Variants in PDE1C observed in about 807,000 individuals in gnomAD.
The protein encoded by PDE1C is phosphodiesterase 1C.
A neutral mutation model predicts 93.1 loss-of-function variants in PDE1C; 62 were observed. That is an observed-to-expected ratio of 0.67 (90% CI 0.54 to 0.82). The LOEUF (loss-of-function observed/expected upper bound fraction) is 0.82. Among genes scored for constraint, PDE1C ranks in the 40% least tolerant of loss-of-function variants. The pLI is 0.00. For synonymous variants in PDE1C, 325 were observed against 310.1 expected, an observed-to-expected ratio of 1.05 and a Z score of -0.50; for missense variants, 742 against 884.6, an observed-to-expected ratio of 0.84 and a Z score of 2.04.
chr7:31,630,415 T>G, the PDE1C span, among the ~76,000 whole-genome samples: 1 of 152,196 alleles, frequency 6.6e-6, no homozygotes, highest in Non-Finnish European at 1.5e-5. Context: ...AATGTGAAGT[T>G]ATACTCTGTC....
intron 1 of PDE1C, among the ~76,000 whole-genome samples, chr7:32,336,133 A>G (rs996850106): frequency 2.0e-5 from 3 of 152,248 alleles, no homozygotes; most frequent in Non-Finnish European, 4.4e-5. Flanking sequence ...GAAAGTGGAA[A>G]GAAATGGATC....
chr7:31,823,628 C>T (rs1316121412), intron 13 of PDE1C, among the ~76,000 whole-genome samples: 1 of 152,040 alleles, frequency 6.6e-6, no homozygotes, highest in Non-Finnish European at 1.5e-5. Flanking sequence ...CCACACTGAC[C>T]ACTTTTCCAA....
chr7:31,621,076 G>T, the PDE1C span, among the ~76,000 whole-genome samples: 1 of 151,786 alleles, frequency 6.6e-6, no homozygotes, highest in African/African-American at 2.4e-5. Flanking sequence ...AAAAAGAAAT[G>T]AGCAAAGCCT....
intron 1 of PDE1C, among the ~76,000 whole-genome samples, chr7:32,064,204 C>T (rs1423053390): frequency 6.6e-6 from 1 of 152,196 alleles, no homozygotes; most frequent in East Asian, 1.9e-4. Flanking sequence ...AGACCCACCA[C>T]TCCAGGCCAA....
intron 3 of PDE1C, chr7:32,078,155 T>C (rs1024031214): frequency 2.7e-6 from 1 of 363,732 alleles, no homozygotes; most frequent in Non-Finnish European, 3.8e-6. Flanking sequence ...CCTATCACTG[T>C]AAAGCAAATT....
chr7:31,652,567 A>C, the PDE1C span: 204 of 1,610,742 alleles, frequency 1.3e-4, no homozygotes, highest in Non-Finnish European at 1.6e-4. Context: ...TCAAATCTGC[A>C]TCAATATAAC....
At chr7:31,790,770 T>C (rs1784504210) in intron 16 of PDE1C, among the ~76,000 whole-genome samples, 1 of 152,082 alleles carries the variant, frequency 6.6e-6, no homozygotes, top group Admixed American at 6.6e-5. Context: ...GTGAATCACC[T>C]GAGTTCTCCA....
the PDE1C span, chr7:31,643,079 T>TA: frequency 6.2e-7 from 1 of 1,614,000 alleles, no homozygotes; most frequent in Non-Finnish European, 8.5e-7. Flanking sequence ...GGGTTTATGG[T>TA]AACCCACGTC....
At chr7:31,968,606 CTACTT>C (rs1316217499) in intron 2 of PDE1C, among the ~76,000 whole-genome samples, 1 of 151,886 alleles carries the variant, frequency 6.6e-6, no homozygotes, top group African/African-American at 2.4e-5. Context: ...TTGGAAAAAA[CTACTT>C]TAAAGTTCAT....
At chr7:31,681,042 TG>T in the PDE1C span, among the ~76,000 whole-genome samples, 1 of 152,194 alleles carries the variant, frequency 6.6e-6, no homozygotes. Context: ...CTTACATTCC[TG>T]GGGGAAATGC....
At chr7:31,938,074 C>T (rs1004845115) in intron 2 of PDE1C, among the ~76,000 whole-genome samples, 3 of 152,008 alleles carry the variant, frequency 2.0e-5, no homozygotes, top group Admixed American at 1.3e-4. Flanking sequence ...TTTAATCATC[C>T]AGACTGAGAT....
intron 1 of PDE1C, among the ~76,000 whole-genome samples, chr7:32,349,725 G>T (rs1783921909): frequency 6.6e-6 from 1 of 152,124 alleles, no homozygotes; most frequent in African/African-American, 2.4e-5. Flanking sequence ...CACCTCTCGG[G>T]TTCAAGCGAT....
chr7:32,314,078 T>A (rs1018243883), intron 1 of PDE1C, among the ~76,000 whole-genome samples: 18 of 151,816 alleles, frequency 1.2e-4, no homozygotes, highest in East Asian at 3.9e-4. Flanking sequence ...ATAAATAAAA[T>A]AAATAAAGTG....
At chr7:31,633,323 T>A in the PDE1C span, among the ~76,000 whole-genome samples, 6 of 152,074 alleles carry the variant, frequency 3.9e-5, no homozygotes, top group Admixed American at 2.0e-4. Flanking sequence ...AAGGTAGAGG[T>A]GGCCAATACA....
chr7:31,964,394 C>T (rs1166909408), intron 2 of PDE1C, among the ~76,000 whole-genome samples: 1 of 152,228 alleles, frequency 6.6e-6, no homozygotes. Flanking sequence ...TGCAAGGCAG[C>T]AGTGAGGCTG....
chr7:32,334,943 A>G (rs1344449869), intron 1 of PDE1C, among the ~76,000 whole-genome samples: 1 of 152,146 alleles, frequency 6.6e-6, no homozygotes, highest in African/African-American at 2.4e-5. Flanking sequence ...AGAAAATATT[A>G]TTTTTAATTT....
rs529733652 is a variant in PDE1C at position 31,946,868 on chromosome 7, C to T, written c.129-66008G>A. Among the ~76,000 whole-genome samples the T allele has an allele frequency of 1.5e-3, 223 of 152,258 alleles. 1 individual carries two copies. Among genetic ancestry groups the T allele is most frequent in the Non-Finnish European group, 2.4e-3 (164 of 68,020 alleles). On this transcript the variant is annotated intron_variant, in intron 2 of 17. Coordinates refer to ENST00000396191, the MANE Select transcript of PDE1C (RefSeq NM_001191057.4). ...AGTGTGTGTGTGATTTTTTTCCTTG[C>T]TATTTGGCATGTCCTATCATTTTCT...
intron 3 of PDE1C, among the ~76,000 whole-genome samples, chr7:32,124,958 T>C (rs752561827): frequency 4.6e-5 from 7 of 152,158 alleles, no homozygotes; most frequent in Non-Finnish European, 1.0e-4. Flanking sequence ...GAGAAAATTT[T>C]TGCAATCTTT....
chr7:31,969,830 A>T (rs1023229316), intron 2 of PDE1C, among the ~76,000 whole-genome samples: 1 of 152,220 alleles, frequency 6.6e-6, no homozygotes, highest in Non-Finnish European at 1.5e-5. Context: ...TGATGAGTTC[A>T]TGTCCTTTGT....
Sources: allele counts gnomAD v4.1 joint callset (sites outside exome capture counted in the v4.1 genomes callset), GRCh38; gene constraint gnomAD v4.1.1; transcripts MANE v1.5; gene names NCBI Gene and HGNC (gene_info 2026-07-23, HGNC 2026-07-21).